The following CDH23 variants were observed in gnomAD, a reference collection of about 807,000 sequenced individuals.
CDH23 encodes the protein cadherin related 23.
CDH23 carries 189 observed loss-of-function variants against 317.1 expected under a neutral mutation model. That is an observed-to-expected ratio of 0.60 (90% CI 0.53 to 0.67). The LOEUF (loss-of-function observed/expected upper bound fraction) is 0.67. CDH23 is among the 30% of genes least tolerant of loss of function. CDH23 has a pLI of 0.00. For synonymous variants in CDH23, 1,839 were observed against 1,876.8 expected, an observed-to-expected ratio of 0.98 and a Z score of 0.52; for missense variants, 4,401 against 4,592.4, an observed-to-expected ratio of 0.96 and a Z score of 1.20.
intron 9 of CDH23, among the ~76,000 whole-genome samples, chr10:71,584,066 G>A (rs1008680438): frequency 6.6e-6 from 1 of 152,200 alleles, no homozygotes; most frequent in Non-Finnish European, 1.5e-5. Context: ...CAACACTGAT[G>A]CTGCTGGTCT....
intron 28 of CDH23, chr10:71,715,011 T>C (rs1866145787): frequency 6.6e-6 from 1 of 152,260 alleles, no homozygotes; most frequent in African/African-American, 2.4e-5. Context: ...AAACCACAGA[T>C]AGCATCCCTA....
At chr10:71,666,920 G>A (rs1457109408) in intron 14 of CDH23, among the ~76,000 whole-genome samples, 2 of 152,342 alleles carry the variant, frequency 1.3e-5, no homozygotes, top group East Asian at 1.9e-4. Context: ...GCGAAGCACC[G>A]GGGCTCCACA....
chr10:71,583,244 C>G (rs535610154), intron 9 of CDH23, among the ~76,000 whole-genome samples: 247 of 15,088 alleles, frequency 0.016, no homozygotes, highest in African/African-American at 0.058. Flanking sequence ...ACAGGGGAGG[C>G]GGGGTGGGGG....
intron 6 of CDH23, among the ~76,000 whole-genome samples, chr10:71,536,448 G>A (rs1035353273): frequency 6.6e-6 from 1 of 152,216 alleles, no homozygotes; most frequent in African/African-American, 2.4e-5. Flanking sequence ...TTGAAAGGCA[G>A]GTTTGCTTTT....
intron 55 of CDH23, among the ~76,000 whole-genome samples, chr10:71,804,162 GACTCCTCT>G (rs1589432312): frequency 6.6e-6 from 1 of 150,630 alleles, no homozygotes; most frequent in East Asian, 1.9e-4. Context: ...AAAAAGGACA[GACTCCTCT>G]ACAACCCACT....
chr10:71,589,232 G>A (rs1859293865), intron 9 of CDH23, among the ~76,000 whole-genome samples: 1 of 152,048 alleles, frequency 6.6e-6, no homozygotes, highest in Admixed American at 6.6e-5. Context: ...CAATTCTCCT[G>A]CCTTAGCCTC....
chr10:71,403,341 TTCTTTCTTTC>T (rs1847886332), intron 1 of CDH23, among the ~76,000 whole-genome samples: 1 of 54,306 alleles, frequency 1.8e-5, no homozygotes, highest in Admixed American at 1.7e-4. Context: ...CTTTCTTTCT[TTCTTTCTTTC>T]TTTCTTTCTT....
intron 35 of CDH23, 131 bp downstream of exon 35, chr10:71,738,778 C>A: frequency 8.5e-7 from 1 of 1,181,954 alleles, no homozygotes; most frequent in Non-Finnish European, 1.2e-6. Flanking sequence ...CCCCTGCAAT[C>A]ACCCAGTCTG....
rs61127679 is a variant in CDH23 at position 71,402,706 on chromosome 10, A to AGT, written c.-6+5426_-6+5427dup. Among the ~76,000 whole-genome samples, 1,025 of 148,914 alleles carry AGT rather than the reference A, an allele frequency of 6.9e-3. 9 individuals carry two copies. The highest frequency in any genetic ancestry group is 0.021 in the African/African-American group (861 of 40,750). On this transcript the variant is annotated intron_variant, in intron 1 of 69. Transcript: ENST00000224721. ...ACATTCATAAATTGAATTCTTCCTGAGTGTGTGTGTGTGTGTGTGTGTGTG... is the reference window on the plus strand; with the variant it reads ...ACATTCATAAATTGAATTCTTCCTGAGTGTGTGTGTGTGTGTGTGTGTGTGTG...
intron 3 of CDH23, among the ~76,000 whole-genome samples, chr10:71,494,349 A>G (rs77526552): frequency 0.017 from 2,621 of 152,252 alleles, 43 homozygotes; most frequent in Non-Finnish European, 0.026. Flanking sequence ...CTGGGTGTGT[A>G]GGATGTGACT....
rs995315303 is a variant in CDH23, at chr10:71,514,627, G to A, written c.429+3415G>A. Reference sequence around the variant, plus strand: ...TGTGTGTTTGAGTTTGTTTGTTCTCGTTCCCCTCCTGCCCACCCCACTCCC... The same window carrying A: ...TGTGTGTTTGAGTTTGTTTGTTCTCATTCCCCTCCTGCCCACCCCACTCCC... On this transcript the variant is annotated intron_variant, in intron 6 of 69. Transcript: ENST00000224721. 6.6e-5 allele frequency among the ~76,000 whole-genome samples: 10 copies of A among 152,070 alleles called. No homozygotes were observed. The South Asian group carries it at 8.3e-4, about 13-fold the overall frequency.
intron 22 of CDH23, 48 bp downstream of exon 22, chr10:71,695,573 G>T: frequency 7.4e-7 from 1 of 1,344,760 alleles, no homozygotes; most frequent in Non-Finnish European, 1.1e-6. Flanking sequence ...CTTCCCAGGG[G>T]TCTGTGCCCC....
At chr10:71,605,517 G>A (rs576310662) in intron 9 of CDH23, among the ~76,000 whole-genome samples, 29 of 152,344 alleles carry the variant, frequency 1.9e-4, no homozygotes, top group African/African-American at 7.0e-4. Context: ...CCACAGTGCT[G>A]AGTCTGAAAA....
At chr10:71,665,124 A>G (rs1400976918) in intron 14 of CDH23, among the ~76,000 whole-genome samples, 1 of 152,230 alleles carries the variant, frequency 6.6e-6, no homozygotes, top group Non-Finnish European at 1.5e-5. Context: ...GAAACAAGAC[A>G]GACTCAGTTC....
In CDH23 at chr10:71,566,820, T is replaced by A; in HGVS notation, c.508T>A (p.Ser170Thr). The A allele has an allele frequency of 1.2e-6, 2 of 1,613,936 alleles. No individual in the cohort carries two copies. Among genetic ancestry groups the A allele is most frequent in the African/African-American group, 2.7e-5 (2 of 75,042 alleles). ...GGGGGCAGGGGGCAGCGTCCTCTAC[T>A]CCTTCCAGCCCCCCTCCCAATTCTT... ...DLGAGGSVLYSFQPPSQFFAI... is the reference protein window; with the variant it reads ...DLGAGGSVLYTFQPPSQFFAI... Residue 170 changes from serine (S) to threonine (T), a missense_variant, in exon 7 of 70, where the codon TCC becomes ACC. By Grantham distance (58) the Ser-to-Thr change is moderately conservative. This residue lies in a region of CDH23 where 3,068 missense variants were observed against 3,203.3 expected (regional missense o/e 0.96). Coordinates refer to ENST00000224721, the MANE Select transcript of CDH23 (RefSeq NM_022124.6).
chr10:71,631,450 T>A (rs766341157), intron 11 of CDH23, among the ~76,000 whole-genome samples: 1 of 152,064 alleles, frequency 6.6e-6, no homozygotes, highest in Non-Finnish European at 1.5e-5. Context: ...GGAGGAAGAT[T>A]GAGGCGAAGG....
chr10:71,807,090 G>C (rs1841753297), intron 57 of CDH23, among the ~76,000 whole-genome samples, 187 bp from the exon 58 acceptor site: 1 of 152,244 alleles, frequency 6.6e-6, no homozygotes, highest in Admixed American at 6.5e-5. Flanking sequence ...CACTCCGTGA[G>C]GGCAGAGCTC....
chr10:71,726,690 T>C (rs930749548), intron 30 of CDH23, among the ~76,000 whole-genome samples: 5 of 152,244 alleles, frequency 3.3e-5, no homozygotes, highest in African/African-American at 1.2e-4. Context: ...ATTCGTGGGC[T>C]GGTCAGTACG....
Position 71,778,216 on chromosome 10 carries a change from G to A in CDH23, c.5095G>A (p.Asp1699Asn), listed in dbSNP as rs1443092965. The change falls in exon 40 of 70, where the codon GAC (aspartate) becomes AAC (asparagine). Residue 1699 changes from aspartate (D) to asparagine (N), a missense_variant. Around this residue, in one of 3 missense-constraint regions of CDH23, gnomAD observed 3,068 missense variants for 3,203.3 expected, o/e 0.96. Coordinates refer to ENST00000224721, the MANE Select transcript of CDH23 (RefSeq NM_022124.6). ...TGTCATCACTGCTGCCAAAGAGCTG[G>A]ACTACGAGATCAGCCACGGCCGCTA... The part of the protein sequence containing the change: ...MGVITAAKEL[D>N]YEISHGRYTL... 5 of 1,613,662 alleles carry A rather than the reference G, an allele frequency of 3.1e-6. No individual in the cohort carries two copies. The highest frequency in any genetic ancestry group is 4.2e-6 in the Non-Finnish European group (5 of 1,179,840).
Sources: gnomAD v4.1 joint callset for allele counts (sites outside exome capture counted in the v4.1 genomes callset) on GRCh38, gnomAD v4.1.1 for gene constraint, gnomAD v4.1.1 regional missense constraint, MANE v1.5 for transcripts, NCBI Gene and HGNC (gene_info 2026-07-23, HGNC 2026-07-21) for gene names.